Variants in DCC observed in about 807,000 individuals in gnomAD.
DCC encodes netrin receptor DCC.
In DCC, 58 loss-of-function variants were observed where a neutral mutation model predicts 172.5. That is an observed-to-expected ratio of 0.34 (90% CI 0.27 to 0.42). The LOEUF is 0.42. DCC is among the 10% of genes least tolerant of loss of function. The probability of loss-of-function intolerance (pLI) is 1.00; values close to 1 mark genes in which losing one functional copy is unlikely to be tolerated. For missense variants in DCC, 1,740 were observed against 1,791.0 expected, an observed-to-expected ratio of 0.97 and a Z score of 0.51; for synonymous variants, 709 against 644.5, an observed-to-expected ratio of 1.10 and a Z score of -1.52.
intron 2 of DCC, among the ~76,000 whole-genome samples, chr18:52,836,805 G>A (rs533789205): frequency 2.0e-5 from 3 of 152,190 alleles, no homozygotes; most frequent in Non-Finnish European, 4.4e-5. Context: ...GTTCCACTAG[G>A]CAGTGCCCCA....
rs1467068033 is a variant in DCC at position 53,162,272 on chromosome 18, T to C, written c.1418+4760T>C. On this transcript the variant is annotated intron_variant, in intron 8 of 28. Transcript: ENST00000442544. ...CGAGATCGTGCTACTGCACCCCAGC[T>C]TGGGTGACAAAGCAAGACTCTGCCT... is the stretch of plus-strand genomic sequence containing the variant. Among the ~76,000 whole-genome samples the C allele has an allele frequency of 5.9e-4, 85 of 143,142 alleles. 1 individual carries two copies. Among genetic ancestry groups the C allele is most frequent in the African/African-American group, 2.1e-3 (82 of 38,834 alleles). The allele number at this position is 143,142 out of a possible 152,430, so 93.9% of individuals were successfully genotyped here.
chr18:52,620,825 G>A (rs1473862392), intron 1 of DCC, among the ~76,000 whole-genome samples: 4 of 152,166 alleles, frequency 2.6e-5, no homozygotes, highest in African/African-American at 9.6e-5. Context: ...GGAGCTACGT[G>A]AGAAACATTA....
At position 52,978,083 on chromosome 18, in the gene DCC, GAA is replaced by G. The variant is rs35422520; in HGVS notation, c.985+52714_985+52715del. 9.4e-3 allele frequency among the ~76,000 whole-genome samples: 1,428 copies of G among 152,078 alleles called. 5 individuals are homozygous for G. The highest frequency in any genetic ancestry group is 0.031 in the Middle Eastern group (9 of 294). On this transcript the variant is annotated intron_variant, in intron 5 of 28. Coordinates refer to ENST00000442544, the MANE Select transcript of DCC (RefSeq NM_005215.4). Reference sequence around the variant, plus strand: ...AGAAGGGTGGGGGTGGCATGATACTGAACTGTACAGCTAAAGAGGCGCTTGTA... The same window carrying G: ...AGAAGGGTGGGGGTGGCATGATACTGCTGTACAGCTAAAGAGGCGCTTGTA...
intron 26 of DCC, among the ~76,000 whole-genome samples, chr18:53,498,363 C>T (rs552791732): frequency 6.6e-6 from 1 of 152,066 alleles, no homozygotes; most frequent in Non-Finnish European, 1.5e-5. Context: ...ATTTATCTGA[C>T]AAAACTTTAT....
chr18:53,451,447 T>C (rs2145151037), intron 23 of DCC, among the ~76,000 whole-genome samples: 1 of 152,346 alleles, frequency 6.6e-6, no homozygotes, highest in South Asian at 2.1e-4. Flanking sequence ...CTCTGCCTCT[T>C]TGACTTTCTA....
intron 12 of DCC, among the ~76,000 whole-genome samples, chr18:53,251,313 A>AAT (rs2056429458): frequency 6.6e-6 from 1 of 151,856 alleles, no homozygotes; most frequent in African/African-American, 2.4e-5. Flanking sequence ...CCTACTGTAC[A>AAT]ATATCTGTCT....
rs114103095 is a variant in DCC, at chr18:53,216,493, G to A, written c.1911+896G>A. ...GGTCTTAGCAAAGTTTTCAACCTTA[G>A]CAAACCTCTTTCTATGTTTAAGTAT... is the stretch of plus-strand genomic sequence containing the variant. On this transcript the variant is annotated intron_variant, in intron 12 of 28. Coordinates refer to ENST00000442544, the MANE Select transcript of DCC (RefSeq NM_005215.4). Among the ~76,000 whole-genome samples the A allele has an allele frequency of 6.6e-3, 1,007 of 152,164 alleles. 10 individuals carry two copies. The highest frequency in any genetic ancestry group is 0.023 in the African/African-American group (949 of 41,512).
chr18:52,930,055 C>G (rs190663511), intron 5 of DCC, among the ~76,000 whole-genome samples: 2 of 151,926 alleles, frequency 1.3e-5, no homozygotes, highest in Non-Finnish European at 2.9e-5. Context: ...TCAGATGATC[C>G]TCCATTCTCA....
chr18:53,481,964 T>C (rs2045836894), intron 25 of DCC, among the ~76,000 whole-genome samples: 1 of 152,126 alleles, frequency 6.6e-6, no homozygotes, highest in Admixed American at 6.6e-5. Context: ...AGAGCAGAGA[T>C]TTATTGAAAA....
intron 12 of DCC, among the ~76,000 whole-genome samples, chr18:53,250,069 C>T (rs2144655940): frequency 6.6e-6 from 1 of 152,056 alleles, no homozygotes; most frequent in African/African-American, 2.4e-5. Flanking sequence ...GACATTAATA[C>T]ATCTTAAAAA....
intron 1 of DCC, among the ~76,000 whole-genome samples, chr18:52,427,660 A>C (rs1033837083): frequency 1.3e-5 from 2 of 152,010 alleles, no homozygotes; most frequent in African/African-American, 4.8e-5. Flanking sequence ...AGGCCCCCTG[A>C]AGGTGATTTT....
Position 52,856,613 on chromosome 18 carries a change from A to G in DCC, c.413-49431A>G, listed in dbSNP as rs549119048. Reference sequence around the variant, plus strand: ...TGCACTCCAGCCTGGGCGACAGAGCAAGACTCCATCTCAAAAAAAAAAAAA... The same window carrying G: ...TGCACTCCAGCCTGGGCGACAGAGCGAGACTCCATCTCAAAAAAAAAAAAA... On this transcript the variant is annotated intron_variant, in intron 2 of 28. Coordinates refer to ENST00000442544, the MANE Select transcript of DCC (RefSeq NM_005215.4). Among the ~76,000 whole-genome samples the G allele has an allele frequency of 6.1e-4, 72 of 119,006 alleles. 1 individual carries two copies. In the South Asian group the frequency reaches 0.017, roughly 29 times the overall value. 78.1% of individuals were successfully genotyped at this position (119,006 alleles called of 152,430 possible).
At chr18:53,331,208 A>G (rs1284975806) in intron 14 of DCC, among the ~76,000 whole-genome samples, 2 of 152,206 alleles carry the variant, frequency 1.3e-5, no homozygotes, top group Admixed American at 6.5e-5. Flanking sequence ...TAGAGTTACA[A>G]TGGTGTTTTT....
intron 2 of DCC, among the ~76,000 whole-genome samples, chr18:52,774,833 ATAGT>A (rs2037401624): frequency 2.0e-5 from 3 of 152,284 alleles, no homozygotes; most frequent in South Asian, 4.1e-4. Context: ...ACCTCTAGGA[ATAGT>A]TAGTGTGATT....
chr18:53,089,956 A>G (rs946465979), intron 7 of DCC, among the ~76,000 whole-genome samples: 4 of 152,168 alleles, frequency 2.6e-5, no homozygotes, highest in Non-Finnish European at 5.9e-5. Flanking sequence ...TTTTATACCA[A>G]TTTCCAGTAC....
At chr18:53,292,222 G>A (rs993287906) in intron 12 of DCC, among the ~76,000 whole-genome samples, 1 of 150,990 alleles carries the variant, frequency 6.6e-6, no homozygotes, top group African/African-American at 2.4e-5. Context: ...AGCCAAGAAA[G>A]CCCAGCGGGC....
intron 14 of DCC, 103 bp from the exon 15 acceptor site, chr18:53,339,610 T>G: frequency 2.3e-6 from 2 of 868,898 alleles, no homozygotes; most frequent in Admixed American, 1.7e-5. Flanking sequence ...TGATGCATTA[T>G]TTATGCATCT....
intron 5 of DCC, among the ~76,000 whole-genome samples, chr18:53,026,969 A>C (rs1481138098): frequency 6.6e-6 from 1 of 152,110 alleles, no homozygotes; most frequent in East Asian, 1.9e-4. Flanking sequence ...AATTTGTCTC[A>C]TCTTTCTCAG....
At chr18:53,383,445 A>G (rs887082384) in intron 15 of DCC, among the ~76,000 whole-genome samples, 1 of 150,234 alleles carries the variant, frequency 6.7e-6, no homozygotes, top group Non-Finnish European at 1.5e-5. Context: ...GATTATCCTT[A>G]TCTCTGGTCT....
Sources: gnomAD v4.1 joint callset for allele counts (sites outside exome capture counted in the v4.1 genomes callset) on GRCh38, gnomAD v4.1.1 for gene constraint, MANE v1.5 for transcripts, NCBI Gene and HGNC (gene_info 2026-07-23, HGNC 2026-07-21) for gene names.